WIF1: variants seen among roughly 807,000 people sequenced by gnomAD.
WIF1 encodes the protein Wnt inhibitory factor 1.
In WIF1, 35 loss-of-function variants were observed where a neutral mutation model predicts 53.5. The ratio of observed to expected loss-of-function variants is 0.65; its 90% CI spans 0.50 to 0.87. The LOEUF (loss-of-function observed/expected upper bound fraction) is 0.87, where lower values mean the gene tolerates loss of function less well. Ranked by LOEUF, WIF1 falls within the 40% of genes least tolerant of loss-of-function variation. WIF1 has a pLI of 0.00. For missense variants in WIF1, 467 were observed against 476.8 expected, an observed-to-expected ratio of 0.98 and a Z score of 0.19; for synonymous variants, 171 against 170.4, an observed-to-expected ratio of 1.00 and a Z score of -0.03.
chr12:65,115,605 G>C (rs983170356), intron 2 of WIF1, among the ~76,000 whole-genome samples: 1 of 152,168 alleles, frequency 6.6e-6, no homozygotes, highest in African/African-American at 2.4e-5. Context: ...ATCATCTATT[G>C]AAAAGTTTTA....
intron 2 of WIF1, among the ~76,000 whole-genome samples, chr12:65,104,296 C>T (rs1883323285): frequency 6.6e-6 from 1 of 152,214 alleles, no homozygotes; most frequent in Non-Finnish European, 1.5e-5. Context: ...TTAACTTCCC[C>T]TGCAAGTATA....
chr12:65,088,455 A>G (rs1565755970), intron 2 of WIF1, among the ~76,000 whole-genome samples: 1 of 152,160 alleles, frequency 6.6e-6, no homozygotes, highest in African/African-American at 2.4e-5. Flanking sequence ...TGTGATGAAA[A>G]GATTAAAAAC....
At chr12:65,096,360 A>G (rs1457828025) in intron 2 of WIF1, among the ~76,000 whole-genome samples, 2 of 152,188 alleles carry the variant, frequency 1.3e-5, no homozygotes, top group Non-Finnish European at 2.9e-5. Flanking sequence ...AAAAGTCTAG[A>G]AACAACAGAT....
Position 65,078,140 on chromosome 12 carries a change from G to A in WIF1, c.289-286C>T, listed in dbSNP as rs148884699. On this transcript the variant is annotated intron_variant, in intron 2 of 9. Coordinates refer to ENST00000286574, the MANE Select transcript of WIF1 (RefSeq NM_007191.5). ...GTTGCCCAGGCTGGAGTGCAGTGGCGCAATCTCAGCTCACTGCAACCTCTG... is the reference window on the plus strand; with the variant it reads ...GTTGCCCAGGCTGGAGTGCAGTGGCACAATCTCAGCTCACTGCAACCTCTG... Among the ~76,000 whole-genome samples, 889 of 152,150 alleles carry A rather than the reference G, an allele frequency of 5.8e-3. 7 individuals carry two copies. Among genetic ancestry groups the A allele is most frequent in the African/African-American group, 0.02 (845 of 41,506 alleles).
chr12:65,060,339 A>C (rs1341351800), intron 7 of WIF1, among the ~76,000 whole-genome samples: 1 of 152,258 alleles, frequency 6.6e-6, no homozygotes, highest in Non-Finnish European at 1.5e-5. Flanking sequence ...TAAATCCATA[A>C]AATGGAATAT....
chr12:65,090,476 T>A, intron 2 of WIF1, among the ~76,000 whole-genome samples: 1 of 152,098 alleles, frequency 6.6e-6, no homozygotes, highest in East Asian at 1.9e-4. Context: ...TGATCATTAA[T>A]CAAGTAAGTA....
chr12:65,094,901 CTTATTTATTTATTTA>C (rs949300894), intron 2 of WIF1, among the ~76,000 whole-genome samples: 20 of 134,292 alleles, frequency 1.5e-4, no homozygotes, highest in South Asian at 2.5e-4. Context: ...TCCTCTTCTT[CTTATTTATTTATTTA>C]TTTATTTATT....
chr12:65,087,328 A>G (rs1487608367), intron 2 of WIF1, among the ~76,000 whole-genome samples: 7 of 152,204 alleles, frequency 4.6e-5, no homozygotes, highest in African/African-American at 1.4e-4. Flanking sequence ...GTGTACATAA[A>G]AACTTGAGTA....
intron 3 of WIF1, among the ~76,000 whole-genome samples, chr12:65,073,680 C>G (rs1056183289): frequency 6.6e-6 from 1 of 152,104 alleles, no homozygotes; most frequent in Non-Finnish European, 1.5e-5. Context: ...TGAATGCTAC[C>G]TGGATGCTTA....
At chr12:65,116,614 G>A (rs899971213) in intron 2 of WIF1, among the ~76,000 whole-genome samples, 1 of 151,854 alleles carries the variant, frequency 6.6e-6, no homozygotes, top group Non-Finnish European at 1.5e-5. Flanking sequence ...GAATCATCCT[G>A]AAACCATCCC....
chr12:65,102,143 G>C (rs1451463429), intron 2 of WIF1, among the ~76,000 whole-genome samples: 2 of 152,162 alleles, frequency 1.3e-5, no homozygotes, highest in Non-Finnish European at 2.9e-5. Context: ...AACCTGTGCT[G>C]TCTTTTGCTT....
chr12:65,089,584 C>T (rs1490901135), intron 2 of WIF1, among the ~76,000 whole-genome samples: 2 of 152,164 alleles, frequency 1.3e-5, no homozygotes, highest in African/African-American at 2.4e-5. Flanking sequence ...CCAGCCTCTT[C>T]TCCCACATCC....
chr12:65,075,010 A>G (rs74099732), intron 3 of WIF1, among the ~76,000 whole-genome samples: 4,681 of 152,166 alleles, frequency 0.031, 244 homozygotes, highest in African/African-American at 0.11. Context: ...CCACATCTCT[A>G]GAATAGATAC....
intron 2 of WIF1, among the ~76,000 whole-genome samples, chr12:65,089,481 G>A (rs1298841408): frequency 1.3e-5 from 2 of 152,006 alleles, no homozygotes; most frequent in South Asian, 2.1e-4. Context: ...AATGCCAACT[G>A]GAATATATCA....
chr12:65,107,919 G>A (rs1883374032), intron 2 of WIF1, among the ~76,000 whole-genome samples: 2 of 152,124 alleles, frequency 1.3e-5, no homozygotes, highest in Non-Finnish European at 2.9e-5. Context: ...GCTGAAGGCC[G>A]ACTATAGTAG....
intron 2 of WIF1, among the ~76,000 whole-genome samples, chr12:65,084,386 T>C (rs1405481199): frequency 2.0e-5 from 3 of 152,172 alleles, no homozygotes; most frequent in Non-Finnish European, 4.4e-5. Context: ...CTGGTTCCTT[T>C]ATCTTTTTAT....
In WIF1 at chr12:65,050,680, T is replaced by C. The variant is rs1187244208; in HGVS notation, c.*669A>G. On this transcript the variant is annotated 3_prime_UTR_variant, in exon 10 of 10. Coordinates refer to ENST00000286574, the MANE Select transcript of WIF1 (RefSeq NM_007191.5). ...ATACATACAAACAGTATAAAATGTT[T>C]ATTAGGTAAGAGCTGTGTTTTGTTT... 5.0e-5 allele frequency: 9 copies of C among 181,760 alleles called. 1 individual carries two copies. The allele number at this position is 181,760 out of a possible 1,614,324, so 11.3% of individuals were successfully genotyped here. A position where few individuals can be genotyped will look rare whatever the true frequency, so the allele number is the denominator to read the frequency against.
At chr12:65,072,885 G>A (rs1882805754) in intron 3 of WIF1, among the ~76,000 whole-genome samples, 1 of 152,176 alleles carries the variant, frequency 6.6e-6, no homozygotes, top group Non-Finnish European at 1.5e-5. Context: ...AGAATAGGAT[G>A]TATAATCTAA....
chr12:65,054,293 G>C (rs1326367233), intron 9 of WIF1, among the ~76,000 whole-genome samples: 2 of 152,112 alleles, frequency 1.3e-5, no homozygotes. Flanking sequence ...CCCATGCTTA[G>C]GAGACTGAGT....
Sources: allele counts gnomAD v4.1 joint callset (sites outside exome capture counted in the v4.1 genomes callset), GRCh38; gene constraint gnomAD v4.1.1; transcripts MANE v1.5; gene names NCBI Gene and HGNC (gene_info 2026-07-23, HGNC 2026-07-21).